Variants in UGT2B7 observed in about 807,000 individuals in gnomAD.
UGT2B7 encodes the protein UDP glucuronosyltransferase family 2 member B7.
UGT2B7 carries 51 observed loss-of-function variants against 51.9 expected under a neutral mutation model. That is an observed-to-expected ratio of 0.98 (90% confidence interval 0.78 to 1.24). The LOEUF (loss-of-function observed/expected upper bound fraction) is 1.24, where lower values mean the gene tolerates loss of function less well. Ranked by LOEUF, UGT2B7 falls within the 50% of genes most tolerant of loss-of-function variation. The probability of loss-of-function intolerance (pLI) is 0.00; values close to 1 mark genes in which losing one functional copy is unlikely to be tolerated. For synonymous variants in UGT2B7, 225 were observed against 211.6 expected, an observed-to-expected ratio of 1.06 and a Z score of -0.55; for missense variants, 727 against 628.4, an observed-to-expected ratio of 1.16 and a Z score of -1.68.
intron 1 of UGT2B7, among the ~76,000 whole-genome samples, chr4:69,062,112 G>A (rs1391305186): frequency 6.6e-6 from 1 of 152,112 alleles, no homozygotes; most frequent in African/African-American, 2.4e-5. Context: ...TCAGTGCTCA[G>A]TAAAGATGGA....
chr4:69,053,364 T>TA (rs890670857), intron 1 of UGT2B7, among the ~76,000 whole-genome samples: 3 of 152,044 alleles, frequency 2.0e-5, no homozygotes, highest in African/African-American at 4.8e-5. Context: ...GTTAAAGACT[T>TA]AAAAAAAACT....
At chr4:69,102,693 C>G in intron 2 of UGT2B7, 114 bp from the exon 3 acceptor site, 1 of 1,475,388 alleles carries the variant, frequency 6.8e-7, no homozygotes, top group East Asian at 2.4e-5. Context: ...ATTATTTACT[C>G]CAATAATTCC....
At chr4:69,110,308 G>C (rs1719735743) in intron 5 of UGT2B7, among the ~76,000 whole-genome samples, 1 of 152,014 alleles carries the variant, frequency 6.6e-6, no homozygotes, top group African/African-American at 2.4e-5. Flanking sequence ...ATATGATCCA[G>C]CCATAGTGGA....
At chr4:69,093,881 T>C (rs7439792), upstream of UGT2B7, among the ~76,000 whole-genome samples, 87,675 of 151,934 alleles carry the variant, frequency 0.58, 26,309 homozygotes, top group African/African-American at 0.71. Context: ...CGAGTGCCCG[T>C]ATGTTTCAGT....
At chr4:69,062,986 G>C (rs1718381600) in intron 1 of UGT2B7, among the ~76,000 whole-genome samples, 1 of 152,140 alleles carries the variant, frequency 6.6e-6, no homozygotes, top group South Asian at 2.1e-4. Context: ...ATCTATGCTA[G>C]AAGGAGGACC....
At position 69,083,328 on chromosome 4, in the gene UGT2B7, A is replaced by G. The variant is rs182017677; in HGVS notation, c.-158-6144A>G. ...TTTAAGAAATACATTTTATAATGCTATTGTTGTCTTAGATTGTGATTTCTG... is the reference window on the plus strand; with the variant it reads ...TTTAAGAAATACATTTTATAATGCTGTTGTTGTCTTAGATTGTGATTTCTG... On this transcript the variant is annotated intron_variant, in intron 1 of 5. Transcript: ENST00000502942. 5.6e-4 allele frequency among the ~76,000 whole-genome samples: 85 copies of G among 152,188 alleles called. 1 individual carries two copies. The highest frequency in any genetic ancestry group is 1.9e-3 in the African/African-American group (80 of 41,548).
At chr4:69,106,279 G>C (rs189578688) in intron 3 of UGT2B7, among the ~76,000 whole-genome samples, 2 of 151,886 alleles carry the variant, frequency 1.3e-5, no homozygotes, top group African/African-American at 4.8e-5. Context: ...ACACCACAGT[G>C]TATGTTGTTC....
At chr4:69,098,769 T>G in intron 2 of UGT2B7, 81 bp downstream of exon 2, 1 of 1,577,850 alleles carries the variant, frequency 6.3e-7, no homozygotes, top group South Asian at 1.2e-5. Context: ...TTCAGAGTGT[T>G]TGACTTACAC....
Position 69,054,409 on chromosome 4 carries a change from G to T in UGT2B7, c.-159+2807G>T, listed in dbSNP as rs186374863. Among the ~76,000 whole-genome samples, 41 of 152,186 alleles carry T rather than the reference G, an allele frequency of 2.7e-4. 1 individual carries two copies. The highest frequency in any genetic ancestry group is 2.5e-3 in the Admixed American group (39 of 15,296). On this transcript the variant is annotated intron_variant, in intron 1 of 5. Transcript: ENST00000502942. ...CTCTTAGACAAAACCTAAACATAAA[G>T]TCTCCCCATGCTGTGGTGATTTTAA...
At chr4:69,068,392 A>AT (rs1409739621) in intron 1 of UGT2B7, among the ~76,000 whole-genome samples, 3 of 152,056 alleles carry the variant, frequency 2.0e-5, no homozygotes, top group African/African-American at 7.2e-5. Context: ...GAATTATAAA[A>AT]TCAAAAAATA....
At position 69,098,747 on chromosome 4, in the gene UGT2B7, C is replaced by T; in HGVS notation, c.870+59C>T. Reference sequence around the variant, plus strand: ...CTTTGAATTTTCAGTAGAAATGATTCTATAGTCTTCTTTCAGAGTGTTTGA... The same window carrying T: ...CTTTGAATTTTCAGTAGAAATGATTTTATAGTCTTCTTTCAGAGTGTTTGA... On this transcript the variant is annotated intron_variant, in intron 2 of 5. Transcript: ENST00000305231. The T allele has an allele frequency of 1.1e-5, 17 of 1,592,068 alleles. 1 individual carries two copies. The South Asian group carries it at 1.7e-4, about 16-fold the overall frequency.
At chr4:69,060,554 T>C (rs1718322485) in intron 1 of UGT2B7, among the ~76,000 whole-genome samples, 1 of 152,204 alleles carries the variant, frequency 6.6e-6, no homozygotes, top group South Asian at 2.1e-4. Flanking sequence ...CCTTTCTTTT[T>C]ATATGTCCAT....
chr4:69,107,270 T>C lies in UGT2B7; in HGVS notation c.1090+8T>C. 2 of 1,599,102 alleles carry C rather than the reference T, an allele frequency of 1.3e-6. No homozygotes were observed. The highest frequency in any genetic ancestry group is 1.7e-6 in the Non-Finnish European group (2 of 1,170,652). On this transcript the variant is annotated splice_region_variant and intron_variant, in intron 4 of 5. Transcript: ENST00000305231. ...CCCAGAATGACCTTCTAGGTAAGAC[T>C]CTGGTGAACAAATACTGAATATATT... is the stretch of plus-strand genomic sequence containing the variant.
chr4:69,065,644 T>A (rs1024020305), intron 1 of UGT2B7, among the ~76,000 whole-genome samples: 1 of 152,174 alleles, frequency 6.6e-6, no homozygotes. Context: ...ACTTTCTAAG[T>A]AGATTAGTGT....
At chr4:69,099,197 A>T (rs1163121405) in intron 2 of UGT2B7, among the ~76,000 whole-genome samples, 4 of 149,820 alleles carry the variant, frequency 2.7e-5, no homozygotes, top group Admixed American at 2.7e-4. Context: ...GTCACTGATT[A>T]GTAAGATGAG....
chr4:69,058,588 C>A (rs1425996641), intron 1 of UGT2B7, among the ~76,000 whole-genome samples: 1 of 152,162 alleles, frequency 6.6e-6, no homozygotes, highest in African/African-American at 2.4e-5. Flanking sequence ...CATATGAAAG[C>A]CCCAGCCAGT....
chr4:69,069,897 G>A (rs1384245745), intron 1 of UGT2B7: 4 of 152,070 alleles, frequency 2.6e-5, no homozygotes, highest in African/African-American at 9.7e-5. Context: ...ACATCTTTTT[G>A]AGATCTAAGG....
chr4:69,066,982 C>A (rs760524478), intron 1 of UGT2B7, among the ~76,000 whole-genome samples: 1 of 152,076 alleles, frequency 6.6e-6, no homozygotes, highest in Non-Finnish European at 1.5e-5. Flanking sequence ...ACCATCACCA[C>A]CCCACTCCCT....
chr4:69,085,931 A>G (rs1718944464), intron 1 of UGT2B7, among the ~76,000 whole-genome samples: 1 of 151,504 alleles, frequency 6.6e-6, no homozygotes. Flanking sequence ...AACTTAGCTG[A>G]AGCTTTTTAA....
Sources: gnomAD v4.1 joint callset for allele counts (sites outside exome capture counted in the v4.1 genomes callset) on GRCh38, gnomAD v4.1.1 for gene constraint, MANE v1.5 for transcripts, NCBI Gene and HGNC (gene_info 2026-07-23, HGNC 2026-07-21) for gene names.